MYT1L: variants seen among roughly 807,000 people sequenced by gnomAD.
MYT1L encodes the protein myelin transcription factor 1-like protein.
MYT1L carries 12 observed loss-of-function variants against 126.7 expected under a neutral mutation model. The observed-to-expected ratio is 0.09, with a 90% confidence interval of 0.06 to 0.15. The LOEUF (loss-of-function observed/expected upper bound fraction) is 0.15, where lower values mean the gene tolerates loss of function less well. Among genes scored for constraint, MYT1L ranks in the 10% least tolerant of loss-of-function variants. The pLI is 1.00. For synonymous variants in MYT1L, 541 were observed against 604.2 expected (o/e 0.90, Z 1.53); for missense variants, 979 against 1,585.2 (o/e 0.62, Z 6.49).
intron 3 of MYT1L, among the ~76,000 whole-genome samples, chr2:2,145,998 G>C (rs1022410170): frequency 6.6e-6 from 1 of 152,088 alleles, no homozygotes; most frequent in Admixed American, 6.5e-5. Flanking sequence ...TGACGATCTG[G>C]AACACTGTGA....
chr2:1,943,278 T>C lies in MYT1L; in HGVS notation c.209A>G (p.Glu70Gly). The change falls in exon 9 of 25, where the codon GAA becomes GGA. Residue 70 changes from glutamate (E) to glycine (G), a missense_variant. Glu to Gly is a moderately conservative substitution (Grantham distance 98). This residue lies in a region of MYT1L where 111 missense variants were observed against 115.9 expected (regional missense o/e 0.96). Coordinates refer to ENST00000647738, the MANE Select transcript of MYT1L (RefSeq NM_001303052.2). The surrounding 1 kb of genome is among the most constrained non-coding windows in gnomAD (Gnocchi z 4.4). ...AAATGGCTTTCGTTTAGGAGCAGGT[T>C]CCTGGGGCTGTTTATCTTGTGTTTT... Reference protein sequence around the residue: ...KRKTQDKQPQEPAPKRKPFAV... With the variant: ...KRKTQDKQPQGPAPKRKPFAV... The C allele has an allele frequency of 6.4e-7, 1 of 1,565,930 alleles. No homozygotes were observed. The highest frequency in any genetic ancestry group is 8.7e-7 in the Non-Finnish European group (1 of 1,154,416).
chr2:1,931,492 C>T (rs184722490), intron 9 of MYT1L, among the ~76,000 whole-genome samples: 31 of 151,062 alleles, frequency 2.1e-4, no homozygotes, highest in South Asian at 6.3e-4. Flanking sequence ...ACGTCTGCTG[C>T]GCCTTCCAAG....
intron 18 of MYT1L, among the ~76,000 whole-genome samples, chr2:1,865,398 C>G (rs752057561): frequency 6.6e-6 from 1 of 152,158 alleles, no homozygotes; most frequent in African/African-American, 2.4e-5. Flanking sequence ...AGAGCCAGAC[C>G]GGGTTTGGCC....
At chr2:2,329,315 G>A (rs1220605502) in intron 1 of MYT1L, among the ~76,000 whole-genome samples, 2 of 151,238 alleles carry the variant, frequency 1.3e-5, no homozygotes, top group African/African-American at 2.4e-5. Context: ...GGTGGGGGTG[G>A]GGAGGAGAGA....
rs187780907 is a variant in MYT1L at position 2,267,470 on chromosome 2, C to T, written c.-421+16934G>A. ...AGAAAATTGGAGGCTGTATAAGAAG[C>T]GGATGTGGCGATACACCATACTGGG... On this transcript the variant is annotated intron_variant, in intron 2 of 24. Coordinates refer to ENST00000647738, the MANE Select transcript of MYT1L (RefSeq NM_001303052.2). 7.9e-5 allele frequency among the ~76,000 whole-genome samples: 12 copies of T among 152,094 alleles called. No individual in the cohort carries two copies. The South Asian group carries it at 8.3e-4, about 11-fold the overall frequency.
At chr2:2,176,135 T>C (rs1455918394) in intron 2 of MYT1L, among the ~76,000 whole-genome samples, 1 of 152,198 alleles carries the variant, frequency 6.6e-6, no homozygotes, top group Non-Finnish European at 1.5e-5. Flanking sequence ...ATGTCCACTT[T>C]CAGTTTTTCA....
chr2:1,965,156 G>GATGAACGCTTTGTTTGGAAGAACCT (rs2059246143), intron 8 of MYT1L, among the ~76,000 whole-genome samples: 12 of 149,252 alleles, frequency 8.0e-5, no homozygotes, highest in African/African-American at 3.0e-4. Context: ...GTGACTTGCA[G>GATGAACGCTTTGTTTGGAAGAACCT]GGACCAGGCA....
intron 21 of MYT1L, among the ~76,000 whole-genome samples, chr2:1,819,731 CA>C (rs1169152481): frequency 1.3e-5 from 2 of 152,204 alleles, no homozygotes; most frequent in African/African-American, 4.8e-5. Flanking sequence ...TATTTAAAGA[CA>C]GACATTTGTT....
intron 9 of MYT1L, among the ~76,000 whole-genome samples, chr2:1,934,018 A>G (rs2055396148): frequency 8.0e-6 from 1 of 124,520 alleles, no homozygotes; most frequent in African/African-American, 3.2e-5. Flanking sequence ...TCTGTCGCCC[A>G]GGCTGGAGTG....
At chr2:2,002,694 C>A (rs2062516549) in intron 4 of MYT1L, among the ~76,000 whole-genome samples, 1 of 152,186 alleles carries the variant, frequency 6.6e-6, no homozygotes, top group Non-Finnish European at 1.5e-5. Flanking sequence ...CCACCCAAAT[C>A]TCACCTTGAA....
chr2:2,005,276 G>A (rs201297019), intron 4 of MYT1L, among the ~76,000 whole-genome samples: 39 of 11,656 alleles, frequency 3.3e-3, no homozygotes, highest in Middle Eastern at 0.05. Context: ...TCTTTCCTGT[G>A]TGCCTTCTTT....
In MYT1L at chr2:1,910,473, G is replaced by A; in HGVS notation, c.1710-126C>T. On this transcript the variant is annotated intron_variant, in intron 12 of 24. Coordinates refer to ENST00000647738, the MANE Select transcript of MYT1L (RefSeq NM_001303052.2). The surrounding 1 kb of genome is among the most constrained non-coding windows in gnomAD (Gnocchi z 4.8). ...GAGGGAGGGGTAGTTTCCCAAACCT[G>A]GCACAGGCAGTCCTGATGGGTGGAC... 1.3e-6 allele frequency: 1 copy of A among 780,158 alleles called. No homozygotes were observed. The highest frequency in any genetic ancestry group is 2.1e-6 in the Non-Finnish European group (1 of 470,366). The allele number at this position is 780,158 out of a possible 1,614,324, so 48.3% of individuals were successfully genotyped here.
At chr2:2,272,396 GT>G (rs1222083581) in intron 2 of MYT1L, among the ~76,000 whole-genome samples, 1 of 152,186 alleles carries the variant, frequency 6.6e-6, no homozygotes, top group African/African-American at 2.4e-5. Flanking sequence ...GCTCTCAGAG[GT>G]GCTGCCTGCC....
chr2:1,845,801 G>A (rs922211010), intron 19 of MYT1L, among the ~76,000 whole-genome samples: 1 of 152,202 alleles, frequency 6.6e-6, no homozygotes, highest in Non-Finnish European at 1.5e-5. Context: ...TGCTCCCATA[G>A]GCTTAGACCT....
At chr2:2,147,948 A>G (rs2085136133) in intron 3 of MYT1L, among the ~76,000 whole-genome samples, 1 of 152,218 alleles carries the variant, frequency 6.6e-6, no homozygotes, top group Non-Finnish European at 1.5e-5. Context: ...AGAGCCACAG[A>G]CACCTCAGAC....
intron 8 of MYT1L, among the ~76,000 whole-genome samples, chr2:1,973,397 C>T (rs963118251): frequency 2.6e-5 from 4 of 152,048 alleles, no homozygotes; most frequent in Admixed American, 1.3e-4. Context: ...GATTAAATTT[C>T]GTTTCTATAG....
chr2:2,018,061 A>C (rs1429872773), intron 4 of MYT1L, among the ~76,000 whole-genome samples: 1 of 152,194 alleles, frequency 6.6e-6, no homozygotes, highest in Non-Finnish European at 1.5e-5. Flanking sequence ...CACGTACATA[A>C]TTGATTTTCC....
intron 5 of MYT1L, among the ~76,000 whole-genome samples, chr2:1,984,508 T>TA (rs1257137785): frequency 6.9e-6 from 1 of 145,156 alleles, no homozygotes; most frequent in Non-Finnish European, 1.5e-5. Context: ...AGAACTAATT[T>TA]TTTTTTTTTT....
At chr2:2,013,952 C>T (rs746323028) in intron 4 of MYT1L, among the ~76,000 whole-genome samples, 1 of 152,218 alleles carries the variant, frequency 6.6e-6, no homozygotes, top group Non-Finnish European at 1.5e-5. Flanking sequence ...GAAGTGTTTG[C>T]TCCATGCATC....
Sources: allele counts gnomAD v4.1 joint callset (sites outside exome capture counted in the v4.1 genomes callset), GRCh38; gene constraint gnomAD v4.1.1; regional missense constraint gnomAD v4.1.1; non-coding constraint Gnocchi (gnomAD v3.1); transcripts MANE v1.5; gene names NCBI Gene and HGNC (gene_info 2026-07-23, HGNC 2026-07-21).